The following STRC variants were observed in gnomAD, a reference collection of about 807,000 sequenced individuals.
STRC encodes stereocilin.
STRC carries 43 observed loss-of-function variants against 103.5 expected under a neutral mutation model. That is an observed-to-expected ratio of 0.42 (90% CI 0.33 to 0.54). The LOEUF (loss-of-function observed/expected upper bound fraction) is 0.54, where lower values mean the gene tolerates loss of function less well. Among genes scored for constraint, STRC ranks in the 20% least tolerant of loss-of-function variants. The pLI is 0.14. For missense variants in STRC, 499 were observed against 1,088.5 expected (o/e 0.46, Z 7.62); for synonymous variants, 186 against 442.3 (o/e 0.42, Z 7.27).
Position 43,609,374 on chromosome 15 carries a change from C to T in STRC, c.3499-40G>A, listed in dbSNP as rs773292934. 6 of 1,583,914 alleles carry T rather than the reference C, an allele frequency of 3.8e-6. 1 individual carries two copies. The highest frequency in any genetic ancestry group is 2.3e-5 in the East Asian group (1 of 43,700). On this transcript the variant is annotated intron_variant, in intron 15 of 28. Transcript: ENST00000450892. ...AAGACGAGCCCCTTCCCAGAAGAGA[C>T]ACTGTCCAAGGATACCCCCTAGAGT... is the stretch of plus-strand genomic sequence containing the variant.
At chr15:43,606,658 T>TG (rs1395478338) in intron 18 of STRC, among the ~76,000 whole-genome samples, 1 of 108,906 alleles carries the variant, frequency 9.2e-6, no homozygotes, top group Non-Finnish European at 1.9e-5. Context: ...AAATCAGAGG[T>TG]GATAACCTGT....
At chr15:43,607,087 CT>C (rs2085716192) in intron 18 of STRC, among the ~76,000 whole-genome samples, 1 of 148,046 alleles carries the variant, frequency 6.8e-6, no homozygotes, top group Non-Finnish European at 1.5e-5. Context: ...CCCAGGAAGA[CT>C]GTAACACCAG....
chr15:43,604,749 T>C lies in STRC; in HGVS notation c.4028A>G (p.Gln1343Arg), dbSNP rs750168615. Residue 1343 changes from glutamine (Q) to arginine (R), a missense_variant, in exon 20 of 29, where the codon CAG (glutamine) becomes CGG (arginine). Gln to Arg is a conservative substitution (Grantham distance 43). Coordinates refer to ENST00000450892, the MANE Select transcript of STRC (RefSeq NM_153700.2). ...GTESTRQIPL[Q>R]ILLSHLSQLQ... is the part of the protein sequence containing the mutation. ...CTGACTGAGATGGGACAGCAGGATC[T>C]GTAGGGGGATCTGTCGTGTGCTCTC... 9 of 1,613,478 alleles carry C rather than the reference T, an allele frequency of 5.6e-6. No homozygotes were observed. In the African/African-American group the frequency reaches 1.2e-4, roughly 22 times the overall value.
intron 20 of STRC, 93 bp from the exon 21 acceptor site, chr15:43,604,544 G>A: frequency 1.2e-6 from 2 of 1,610,652 alleles, no homozygotes; most frequent in South Asian, 1.1e-5. Context: ...TTCGGACACA[G>A]GGCTCCAGGG....
rs780692209 is a variant in STRC, at chr15:43,601,406, C to T, written c.4691G>A (p.Ser1564Asn). ...GAGGAAAAGTGTTACCTGAGTGGTGCTCCAGCCATCTATCTGCCCCAGGGT... is the reference window on the plus strand; with the variant it reads ...GAGGAAAAGTGTTACCTGAGTGGTGTTCCAGCCATCTATCTGCCCCAGGGT... ...LSTLGQIDGW[S>N]TTQLRIVVSS... The change falls in exon 24 of 29, where the codon AGC (serine) becomes AAC (asparagine). Residue 1564 changes from serine (S) to asparagine (N), a missense_variant. Physicochemically the swap from Ser to Asn is conservative, Grantham distance 46 (BLOSUM62 1). Transcript: ENST00000450892. The T allele has an allele frequency of 6.2e-7, 1 of 1,613,462 alleles. No individual in the cohort carries two copies. The highest frequency in any genetic ancestry group is 1.1e-5 in the South Asian group (1 of 91,062).
chr15:43,601,550 A>G lies in STRC; in HGVS notation c.4547T>C (p.Leu1516Ser). Residue 1516 changes from leucine (L) to serine (S), a missense_variant and splice_region_variant, in exon 24 of 29, where the codon TTG (leucine) becomes TCG (serine). Transcript: ENST00000450892. ...ACGAAATCCCCGGGGGGGACCCCAC[A>G]ACTAGGAGAAAGACAGGAACAATGT... ...LRAAMGKAKQ[L>S]WGPPRGFRPE... The G allele has an allele frequency of 6.2e-7, 1 of 1,613,806 alleles. No individual in the cohort carries two copies. The highest frequency in any genetic ancestry group is 8.5e-7 in the Non-Finnish European group (1 of 1,179,800).
intron 3 of STRC, 43 bp downstream of exon 3, chr15:43,617,414 AT>A: frequency 1.9e-5 from 5 of 266,112 alleles, no homozygotes; most frequent in South Asian, 1.3e-4. Context: ...TCACCTCCAG[AT>A]TTTCCAGGCC....
At chr15:43,605,058 C>A in intron 19 of STRC, 1 of 924,092 alleles carries the variant, frequency 1.1e-6, no homozygotes, top group South Asian at 1.7e-5. Flanking sequence ...ATTTCTCGGA[C>A]TCCAAGAGGT....
At chr15:43,603,952 C>T (rs775364088) in intron 22 of STRC, 44 bp downstream of exon 22, 2 of 1,611,612 alleles carry the variant, frequency 1.2e-6, no homozygotes, top group South Asian at 1.1e-5. Context: ...GTTTGATACT[C>T]CCTGTACATC....
chr15:43,600,975 G>C lies in STRC; in HGVS notation c.4741C>G (p.Arg1581Gly), dbSNP rs372949586. 1.9e-6 allele frequency: 3 copies of C among 1,562,062 alleles called. No homozygotes were observed. The South Asian group carries it at 3.4e-5, about 17-fold the overall frequency. Residue 1581 changes from arginine (R) to glycine (G), a missense_variant, in exon 25 of 29, where the codon CGG (arginine) becomes GGG (glycine). Arg to Gly is a moderately radical substitution (Grantham distance 125). Transcript: ENST00000450892. ...ACGAAGTCCAGGTGGCTCACATGCC[G>C]ACCACTCTGCCGTAGGAAACTGGAG... The part of the protein sequence containing the change: ...VVSSFLRQSG[R>G]HVSHLDFVHL...
At chr15:43,604,977 C>G (rs1441459109) in intron 19 of STRC, 131 bp from the exon 20 acceptor site, 1 of 1,393,682 alleles carries the variant, frequency 7.2e-7, no homozygotes, top group Non-Finnish European at 9.9e-7. Flanking sequence ...TGCTCACTAC[C>G]TTTGTTCACT....
rs1475127576 is a variant in STRC, at chr15:43,604,636, T to G, written c.4127+14A>C. 6.2e-7 allele frequency: 1 copy of G among 1,613,520 alleles called. No individual in the cohort carries two copies. The highest frequency in any genetic ancestry group is 1.1e-5 in the South Asian group (1 of 91,052). ...TAGAATGAGTTAGAATCTGAAGTTC[T>G]CGAAGGTCCATACCCAAGAACAGAC... is the stretch of plus-strand genomic sequence containing the variant. On this transcript the variant is annotated intron_variant, in intron 20 of 28. Transcript: ENST00000450892.
rs374896210 is a variant in STRC at position 43,601,564 on chromosome 15, C to T, written c.4546-13G>A. On this transcript the variant is annotated splice_polypyrimidine_tract_variant and intron_variant, in intron 23 of 28. Transcript: ENST00000450892. ...GGGGACCCCACAACTAGGAGAAAGA[C>T]AGGAACAATGTGAGTGGAAAAGCAG... The T allele has an allele frequency of 1.2e-6, 2 of 1,613,550 alleles. No homozygotes were observed. Among genetic ancestry groups the T allele is most frequent in the Non-Finnish European group, 1.7e-6 (2 of 1,179,630 alleles).
intron 13 of STRC, 39 bp downstream of exon 13, chr15:43,611,109 G>T (rs1213625305): frequency 1.3e-6 from 2 of 1,487,942 alleles, no homozygotes; most frequent in African/African-American, 1.4e-5. Context: ...GAAAGAGCCG[G>T]TATCCCTGAT....
chr15:43,608,201 G>A lies in STRC; in HGVS notation c.3560C>T (p.Ala1187Val). The part of the protein sequence containing the change: ...PTNLTLRNLQ[A>V]LGTLAGGMSC... ...CATGCCTCCTGCCAGGGTGCCCAGA[G>A]CCCTGTGGGTGTGTGAGTGGGGAGA... Residue 1187 changes from alanine (A) to valine (V), a missense_variant and splice_region_variant, in exon 17 of 29, where the codon GCT becomes GTT. Physicochemically the swap from Ala to Val is moderately conservative, Grantham distance 64 (BLOSUM62 0). Coordinates refer to ENST00000450892, the MANE Select transcript of STRC (RefSeq NM_153700.2). 3.1e-6 allele frequency: 5 copies of A among 1,591,530 alleles called. No homozygotes were observed. Among genetic ancestry groups the A allele is most frequent in the South Asian group, 2.2e-5 (2 of 89,990 alleles).
Position 43,607,980 on chromosome 15 carries a change from A to G in STRC, c.3682-5T>C, listed in dbSNP as rs1417925813. On this transcript the variant is annotated splice_region_variant and splice_polypyrimidine_tract_variant and intron_variant, in intron 17 of 28. Transcript: ENST00000450892. ...CTCTGCCCAGATACAGGCCCTCTGTAGGGAAGCAGTGTGAGGCCAGAGCAG... is the reference window on the plus strand; with the variant it reads ...CTCTGCCCAGATACAGGCCCTCTGTGGGGAAGCAGTGTGAGGCCAGAGCAG... 1.2e-6 allele frequency: 2 copies of G among 1,610,598 alleles called. No homozygotes were observed. Among genetic ancestry groups the G allele is most frequent in the African/African-American group, 2.8e-5 (2 of 72,598 alleles).
chr15:43,604,806 G>T lies in STRC; in HGVS notation c.3971C>A (p.Thr1324Asn). 6.2e-7 allele frequency: 1 copy of T among 1,613,080 alleles called. No individual in the cohort carries two copies. The highest frequency in any genetic ancestry group is 8.5e-7 in the Non-Finnish European group (1 of 1,179,470). ...ETPVSGEVLETLGPLVGFLGT... is the reference protein window; with the variant it reads ...ETPVSGEVLENLGPLVGFLGT... The stretch of plus-strand genomic sequence containing the variant: ...CAGGAATCCAACCAAAGGGCCTAAG[G>T]TCTCCAGCACTTCCCCTGAGACTGG... The change falls in exon 20 of 29, where the codon ACC (threonine) becomes AAC (asparagine). Residue 1324 changes from threonine to asparagine, a missense_variant. Coordinates refer to ENST00000450892, the MANE Select transcript of STRC (RefSeq NM_153700.2).
chr15:43,605,197 G>C, intron 19 of STRC, 67 bp downstream of exon 19: 1 of 1,572,732 alleles, frequency 6.4e-7, no homozygotes, highest in Non-Finnish European at 8.6e-7. Context: ...GACAGTCAGA[G>C]AGCATTGTCT....
At chr15:43,604,959 C>A (rs991730810) in intron 19 of STRC, 113 bp from the exon 20 acceptor site, 2 of 1,455,054 alleles carry the variant, frequency 1.4e-6, no homozygotes, top group African/African-American at 2.8e-5. Flanking sequence ...CAGCTCAGCA[C>A]CCTATGATGC....
Sources: allele counts gnomAD v4.1 joint callset (sites outside exome capture counted in the v4.1 genomes callset), GRCh38; gene constraint gnomAD v4.1.1; transcripts MANE v1.5; gene names NCBI Gene and HGNC (gene_info 2026-07-23, HGNC 2026-07-21).